Variants in PTPRD observed in about 807,000 individuals in gnomAD.
The protein encoded by PTPRD is receptor-type tyrosine-protein phosphatase delta.
In PTPRD, 34 loss-of-function variants were observed where a neutral mutation model predicts 214.5. That is an observed-to-expected ratio of 0.16 (90% confidence interval 0.12 to 0.21). The LOEUF (loss-of-function observed/expected upper bound fraction) is 0.21. Among genes scored for constraint, PTPRD ranks in the 10% least tolerant of loss-of-function variants. The probability of loss-of-function intolerance (pLI) is 1.00; values close to 1 mark genes in which losing one functional copy is unlikely to be tolerated. For synonymous variants in PTPRD, 1,128 were observed against 845.7 expected (o/e 1.33, Z -5.79); for missense variants, 2,545 against 2,398.7 (o/e 1.06, Z -1.27).
chr9:8,605,941 T>C (rs1342238946), intron 14 of PTPRD, among the ~76,000 whole-genome samples: 1 of 152,170 alleles, frequency 6.6e-6, no homozygotes, highest in African/African-American at 2.4e-5. Flanking sequence ...TTGGGTTTTT[T>C]TGTTTTTGTT....
intron 5 of PTPRD, among the ~76,000 whole-genome samples, chr9:9,889,355 A>T (rs981837732): frequency 2.0e-5 from 3 of 152,260 alleles, no homozygotes; most frequent in Non-Finnish European, 4.4e-5. Context: ...TATGCTTCAA[A>T]ACATCATGGC....
chr9:10,066,206 T>G (rs534476435), intron 3 of PTPRD, among the ~76,000 whole-genome samples: 25 of 151,822 alleles, frequency 1.6e-4, no homozygotes, highest in Non-Finnish European at 3.5e-4. Flanking sequence ...TTTGTTATGT[T>G]TATTGTTATG....
intron 10 of PTPRD, among the ~76,000 whole-genome samples, chr9:9,105,227 G>C (rs16928939): frequency 0.016 from 2,495 of 152,252 alleles, 81 homozygotes; most frequent in African/African-American, 0.057. Context: ...CAGCTCTTGA[G>C]AGGTGGCCTT....
At chr9:9,622,587 T>C (rs1055523616) in intron 7 of PTPRD, among the ~76,000 whole-genome samples, 2 of 152,190 alleles carry the variant, frequency 1.3e-5, no homozygotes, top group Admixed American at 1.3e-4. Context: ...TTAGTACAAG[T>C]TCAGTGAGAA....
intron 5 of PTPRD, among the ~76,000 whole-genome samples, chr9:9,816,592 T>A (rs2048847767): frequency 6.6e-6 from 1 of 152,040 alleles, no homozygotes; most frequent in Non-Finnish European, 1.5e-5. Flanking sequence ...TGTTAACATA[T>A]TTAAAGTAAT....
At chr9:8,875,709 C>G (rs1165897907) in intron 11 of PTPRD, among the ~76,000 whole-genome samples, 1 of 152,084 alleles carries the variant, frequency 6.6e-6, no homozygotes, top group African/African-American at 2.4e-5. Flanking sequence ...TTAGATAATG[C>G]TAAACATCTA....
intron 7 of PTPRD, among the ~76,000 whole-genome samples, chr9:9,652,607 T>C (rs954638628): frequency 2.0e-5 from 3 of 151,852 alleles, no homozygotes; most frequent in African/African-American, 7.3e-5. Context: ...AATTATAAAA[T>C]AATATACCAC....
intron 14 of PTPRD, among the ~76,000 whole-genome samples, chr9:8,620,063 G>C (rs1196919410): frequency 2.0e-5 from 3 of 151,832 alleles, no homozygotes; most frequent in Non-Finnish European, 4.4e-5. Flanking sequence ...CTCTCCTTTA[G>C]GGCTAAGAAT....
chr9:9,520,511 G>A lies in PTPRD; in HGVS notation c.-237+54221C>T, dbSNP rs192570662. ...CATGCATTTGTGTGTTCTCATAACT[G>A]GAAGAAATACAGTGTCTTTTTTCTA... On this transcript the variant is annotated intron_variant, in intron 8 of 45. Coordinates refer to ENST00000381196, the MANE Select transcript of PTPRD (RefSeq NM_002839.4). 2.3e-3 allele frequency among the ~76,000 whole-genome samples: 356 copies of A among 152,038 alleles called. 2 individuals are homozygous for A. The highest frequency in any genetic ancestry group is 0.01 in the Middle Eastern group (3 of 292).
intron 9 of PTPRD, among the ~76,000 whole-genome samples, chr9:9,330,205 G>A (rs1489471441): frequency 6.6e-6 from 1 of 151,902 alleles, no homozygotes; most frequent in African/African-American, 2.4e-5. Flanking sequence ...CAAAATACAT[G>A]TTCATTCCTT....
chr9:10,324,874 C>T (rs560832878), intron 3 of PTPRD, among the ~76,000 whole-genome samples: 1 of 152,098 alleles, frequency 6.6e-6, no homozygotes, highest in East Asian at 1.9e-4. Flanking sequence ...ATTTAACAAT[C>T]AAATGTATAA....
At chr9:10,307,088 T>A (rs2096098158) in intron 3 of PTPRD, among the ~76,000 whole-genome samples, 2 of 152,178 alleles carry the variant, frequency 1.3e-5, no homozygotes. Context: ...TCCAGTTCTT[T>A]ATTCTATCTA....
At chr9:9,834,237 A>AG (rs1599151248) in intron 5 of PTPRD, among the ~76,000 whole-genome samples, 1 of 152,094 alleles carries the variant, frequency 6.6e-6, no homozygotes, top group Admixed American at 6.6e-5. Flanking sequence ...TTCCCACAAC[A>AG]GGGTTCTAAA....
intron 10 of PTPRD, among the ~76,000 whole-genome samples, chr9:9,134,113 T>G (rs79045182): frequency 7.6e-6 from 1 of 132,096 alleles, no homozygotes; most frequent in East Asian, 2.6e-4. Flanking sequence ...TCGCCCAGGC[T>G]GGACTGCGGA....
At chr9:8,432,404 G>C (rs1362814428) in intron 35 of PTPRD, among the ~76,000 whole-genome samples, 1 of 152,168 alleles carries the variant, frequency 6.6e-6, no homozygotes, top group Non-Finnish European at 1.5e-5. Context: ...GTGTCTCATA[G>C]GATCTAATAA....
At chr9:9,270,121 ATATGT>A (rs1942215966) in intron 9 of PTPRD, among the ~76,000 whole-genome samples, 2 of 151,130 alleles carry the variant, frequency 1.3e-5, no homozygotes, top group South Asian at 2.1e-4. Flanking sequence ...GAGTTGATAG[ATATGT>A]TAGGTAGCTT....
chr9:9,680,621 C>T, intron 7 of PTPRD, among the ~76,000 whole-genome samples: 1 of 151,764 alleles, frequency 6.6e-6, no homozygotes, highest in East Asian at 1.9e-4. Flanking sequence ...TTGAGAATAG[C>T]TAACTGGACA....
At chr9:8,709,868 A>C (rs2098293332) in intron 12 of PTPRD, among the ~76,000 whole-genome samples, 1 of 152,196 alleles carries the variant, frequency 6.6e-6, no homozygotes, top group Non-Finnish European at 1.5e-5. Flanking sequence ...AAGTGCAATA[A>C]AGATGGGCAA....
intron 27 of PTPRD, among the ~76,000 whole-genome samples, chr9:8,492,487 G>A (rs1471634854): frequency 4.0e-5 from 6 of 151,500 alleles, no homozygotes; most frequent in South Asian, 2.1e-4. Flanking sequence ...TTATATACTC[G>A]TTTTGTCACT....
Sources: gnomAD v4.1 joint callset for allele counts (sites outside exome capture counted in the v4.1 genomes callset) on GRCh38, gnomAD v4.1.1 for gene constraint, MANE v1.5 for transcripts, NCBI Gene and HGNC (gene_info 2026-07-23, HGNC 2026-07-21) for gene names.